Variants in DNA2 observed in about 807,000 individuals in gnomAD.
DNA2 encodes DNA replication helicase/nuclease 2.
A neutral mutation model predicts 119.1 loss-of-function variants in DNA2; 101 were observed. That is an observed-to-expected ratio of 0.85 (90% CI 0.72 to 1.00). The LOEUF (loss-of-function observed/expected upper bound fraction) is 1.00. Among genes scored for constraint, DNA2 ranks in the 50% least tolerant of loss-of-function variants. The pLI is 0.00. For missense variants in DNA2, 1,121 were observed against 1,255.5 expected (o/e 0.89, Z 1.62); for synonymous variants, 366 against 424.4 (o/e 0.86, Z 1.69).
intron 10 of DNA2, among the ~76,000 whole-genome samples, chr10:68,436,045 A>C (rs1353004515): frequency 2.0e-5 from 3 of 152,226 alleles, no homozygotes; most frequent in Non-Finnish European, 2.9e-5. Context: ...AATGTTAAAC[A>C]TGAAATTAGC....
chr10:68,440,347 G>A (rs538022111), intron 9 of DNA2, among the ~76,000 whole-genome samples: 21 of 152,064 alleles, frequency 1.4e-4, no homozygotes, highest in African/African-American at 4.6e-4. Context: ...GACTAGGCTG[G>A]AGTATAGTGG....
At position 68,414,844 on chromosome 10, in the gene DNA2, T is replaced by C. The variant is rs2051567809; in HGVS notation, c.*195A>G. The C allele has an allele frequency of 1.2e-5, 5 of 412,422 alleles. No homozygotes were observed. The highest frequency in any genetic ancestry group is 1.8e-5 in the Non-Finnish European group (4 of 225,298). The allele number at this position is 412,422 out of a possible 1,614,324, so 25.5% of individuals were successfully genotyped here. A position where few individuals can be genotyped will look rare whatever the true frequency, so the allele number is the denominator to read the frequency against. ...TCCATCTTCAAAGCTGGTAAAAATT[T>C]ATCAAACTCTTTCTCTAGGTTAGGC... On this transcript the variant is annotated 3_prime_UTR_variant, in exon 21 of 21. Transcript: ENST00000358410.
upstream of DNA2, chr10:68,472,197 C>T (rs569610912): frequency 2.5e-5 from 32 of 1,257,920 alleles, no homozygotes; most frequent in Admixed American, 2.5e-4. Context: ...CGGGTTCACA[C>T]CATTCTCCTG....
chr10:68,430,047 C>A (rs1182308721), intron 14 of DNA2, among the ~76,000 whole-genome samples: 1 of 151,692 alleles, frequency 6.6e-6, no homozygotes, highest in African/African-American at 2.4e-5. Context: ...CCACGCCCGG[C>A]TAATTTTTTT....
In DNA2 at chr10:68,416,165, C is replaced by A. The variant is rs529414969; in HGVS notation, c.3114+544G>T. 2.8e-4 allele frequency among the ~76,000 whole-genome samples: 42 copies of A among 152,158 alleles called. 1 individual carries two copies. The highest frequency in any genetic ancestry group is 9.6e-4 in the African/African-American group (40 of 41,484). On this transcript the variant is annotated intron_variant, in intron 20 of 20. Coordinates refer to ENST00000358410, the MANE Select transcript of DNA2 (RefSeq NM_001080449.3). ...ACTCCAGCCTGAGTGAAGTTAGGCACCACTTCTTGGGGGAAAAAAAGGCTG... is the reference window on the plus strand; with the variant it reads ...ACTCCAGCCTGAGTGAAGTTAGGCAACACTTCTTGGGGGAAAAAAAGGCTG...
At chr10:68,458,638 T>C (rs1464339546) in intron 5 of DNA2, among the ~76,000 whole-genome samples, 2 of 151,400 alleles carry the variant, frequency 1.3e-5, no homozygotes, top group Non-Finnish European at 2.9e-5. Context: ...CACCTGAAGT[T>C]AGGAGTTCGA....
At chr10:68,448,933 GT>G (rs1353600534) in intron 6 of DNA2, among the ~76,000 whole-genome samples, 11 of 43,456 alleles carry the variant, frequency 2.5e-4, no homozygotes, top group East Asian at 7.6e-4. Flanking sequence ...ACCACACCAG[GT>G]GTGTGTGTGT....
In DNA2 at chr10:68,471,940, G is replaced by C; in HGVS notation, c.-76C>G. On this transcript the variant is annotated 5_prime_UTR_variant, in exon 1 of 21. Coordinates refer to ENST00000358410, the MANE Select transcript of DNA2 (RefSeq NM_001080449.3). Reference sequence around the variant, plus strand: ...GGTAACACAGAAAGCTTAGAAAAGGGAAAAAGGCGCGAGCCTGCGCACCTC... The same window carrying C: ...GGTAACACAGAAAGCTTAGAAAAGGCAAAAAGGCGCGAGCCTGCGCACCTC... 6.2e-7 allele frequency: 1 copy of C among 1,613,316 alleles called. No homozygotes were observed. Among genetic ancestry groups the C allele is most frequent in the Non-Finnish European group, 8.5e-7 (1 of 1,179,404 alleles).
chr10:68,422,455 T>C (rs761138552), intron 16 of DNA2, 26 bp from the exon 17 acceptor site: 4 of 1,613,012 alleles, frequency 2.5e-6, no homozygotes, highest in Non-Finnish European at 3.4e-6. Flanking sequence ...AAGATAACTT[T>C]AGTTTTGGTA....
intron 14 of DNA2, among the ~76,000 whole-genome samples, chr10:68,429,726 A>AG (rs1247155265): frequency 1.1e-4 from 16 of 147,990 alleles, no homozygotes; most frequent in African/African-American, 3.0e-4. Flanking sequence ...AAAAAAAAAA[A>AG]AAAAAGAAAA....
chr10:68,450,547 G>A (rs2052104822), intron 5 of DNA2, among the ~76,000 whole-genome samples: 2 of 152,172 alleles, frequency 1.3e-5, no homozygotes, highest in South Asian at 4.1e-4. Context: ...TCAAGTTTAA[G>A]AACCACTGTT....
chr10:68,418,419 A>T lies in DNA2; in HGVS notation c.2967+615T>A, dbSNP rs541703720. Among the ~76,000 whole-genome samples, 599 of 152,042 alleles carry T rather than the reference A, an allele frequency of 3.9e-3. 1 individual carries two copies. Among genetic ancestry groups the T allele is most frequent in the Middle Eastern group, 0.017 (5 of 294 alleles). On this transcript the variant is annotated intron_variant, in intron 19 of 20. Coordinates refer to ENST00000358410, the MANE Select transcript of DNA2 (RefSeq NM_001080449.3). ...AAGAGGAAACGCCGTCTCAAAAAAA[A>T]AAAAAAAAAGTAAGATGTATGTTTT...
chr10:68,436,184 T>G (rs755481573), intron 10 of DNA2, among the ~76,000 whole-genome samples: 2 of 152,320 alleles, frequency 1.3e-5, no homozygotes, highest in Non-Finnish European at 1.5e-5. Flanking sequence ...GTCCATCAGC[T>G]GGTGAATGGA....
chr10:68,445,937 G>T (rs2052033111), intron 7 of DNA2, among the ~76,000 whole-genome samples: 1 of 152,010 alleles, frequency 6.6e-6, no homozygotes, highest in Admixed American at 6.6e-5. Context: ...GACCAGCCTG[G>T]CCAACATGGC....
At chr10:68,468,069 T>A in intron 3 of DNA2, 54 bp downstream of exon 3, 1 of 1,278,766 alleles carries the variant, frequency 7.8e-7, no homozygotes, top group Non-Finnish European at 1.1e-6. Context: ...AATGTAAAAG[T>A]GCTCTGTAAA....
intron 14 of DNA2, among the ~76,000 whole-genome samples, chr10:68,427,672 C>G (rs560362303): frequency 4.5e-4 from 68 of 151,626 alleles, no homozygotes; most frequent in South Asian, 3.7e-3. Context: ...CACACACACA[C>G]ACACACACAT....
At chr10:68,472,156 C>G, upstream of DNA2, 1 of 1,350,782 alleles carries the variant, frequency 7.4e-7, no homozygotes, top group Non-Finnish European at 9.7e-7. Flanking sequence ...TGCCTTCTCT[C>G]TTGACACTCC....
chr10:68,449,025 C>T (rs2052083377), intron 6 of DNA2, among the ~76,000 whole-genome samples: 2 of 140,110 alleles, frequency 1.4e-5, no homozygotes, highest in South Asian at 4.5e-4. Context: ...TCTCAAACTC[C>T]CGACCTCAAG....
intron 5 of DNA2, among the ~76,000 whole-genome samples, chr10:68,455,413 T>C (rs2133423989): frequency 6.6e-6 from 1 of 152,336 alleles, no homozygotes; most frequent in African/African-American, 2.4e-5. Flanking sequence ...ATGAAACATT[T>C]ATAAATTTAT....
Sources: gnomAD v4.1 joint callset for allele counts (sites outside exome capture counted in the v4.1 genomes callset) on GRCh38, gnomAD v4.1.1 for gene constraint, MANE v1.5 for transcripts, NCBI Gene and HGNC (gene_info 2026-07-23, HGNC 2026-07-21) for gene names.